Variants in MKLN1 observed in about 807,000 individuals in gnomAD.
MKLN1 encodes the protein muskelin 1.
Under a neutral mutation model 99.0 loss-of-function variants are expected in MKLN1, and 18 were observed. The observed-to-expected ratio is 0.18, with a 90% CI of 0.13 to 0.27. The LOEUF (loss-of-function observed/expected upper bound fraction) is 0.27. Ranked by LOEUF, MKLN1 falls within the 10% of genes least tolerant of loss-of-function variation. The pLI is 1.00. For synonymous variants in MKLN1, 288 were observed against 293.2 expected, an observed-to-expected ratio of 0.98 and a Z score of 0.18; for missense variants, 621 against 875.9, an observed-to-expected ratio of 0.71 and a Z score of 3.67.
chr7:131,399,220 A>T, intron 5 of MKLN1, 21 bp from the exon 6 acceptor site: 1 of 1,605,548 alleles, frequency 6.2e-7, no homozygotes, highest in African/African-American at 1.3e-5. Flanking sequence ...TTCTTTCCAT[A>T]CTTACTCTGT....
At chr7:131,155,411 A>C (rs1795948513) in intron 2 of MKLN1, among the ~76,000 whole-genome samples, 1 of 152,336 alleles carries the variant, frequency 6.6e-6, no homozygotes, top group South Asian at 2.1e-4. Flanking sequence ...TAAATCCTTT[A>C]GTTGTAAACA....
chr7:131,385,977 T>C (rs1468767187), intron 2 of MKLN1, among the ~76,000 whole-genome samples: 1 of 151,952 alleles, frequency 6.6e-6, no homozygotes, highest in Non-Finnish European at 1.5e-5. Flanking sequence ...TTGTCTAAGA[T>C]GTTTAAAGTT....
intron 10 of MKLN1, among the ~76,000 whole-genome samples, chr7:131,439,073 T>TA (rs1795754024): frequency 6.6e-6 from 1 of 152,096 alleles, no homozygotes; most frequent in African/African-American, 2.4e-5. Flanking sequence ...CAGCTTAAAT[T>TA]TGGAACTTCT....
intron 1 of MKLN1, among the ~76,000 whole-genome samples, chr7:131,342,078 A>G (rs1470045826): frequency 1.3e-5 from 2 of 152,010 alleles, no homozygotes; most frequent in East Asian, 1.9e-4. Flanking sequence ...TTTCTTGGGT[A>G]TATGTCCAGC....
chr7:131,424,358 A>G (rs1795296488), intron 8 of MKLN1, among the ~76,000 whole-genome samples: 1 of 152,146 alleles, frequency 6.6e-6, no homozygotes, highest in African/African-American at 2.4e-5. Flanking sequence ...GTCAATGCGT[A>G]GTATACACAT....
intron 1 of MKLN1, among the ~76,000 whole-genome samples, chr7:131,141,524 G>C (rs1584787255): frequency 6.6e-6 from 1 of 152,128 alleles, no homozygotes; most frequent in African/African-American, 2.4e-5. Context: ...ATTTGGTGCT[G>C]CTCACCTTTC....
intron 2 of MKLN1, among the ~76,000 whole-genome samples, chr7:131,148,669 A>T (rs2116278931): frequency 6.6e-6 from 1 of 152,278 alleles, no homozygotes; most frequent in South Asian, 2.1e-4. Flanking sequence ...GCTACTTGGG[A>T]GGCTGAAGTG....
At chr7:131,402,133 A>C (rs531114517) in intron 6 of MKLN1, among the ~76,000 whole-genome samples, 1 of 152,318 alleles carries the variant, frequency 6.6e-6, no homozygotes, top group East Asian at 1.9e-4. Context: ...CAATCCTCTC[A>C]AACCCTGCTG....
rs199863263 is a variant in MKLN1, at chr7:131,283,338, CCCTTCCCCTCCTTCCTTCCTT to C, written c.-179+80371_-179+80391del. Among the ~76,000 whole-genome samples, 70 of 57,974 alleles carry C rather than the reference CCCTTCCCCTCCTTCCTTCCTT, an allele frequency of 1.2e-3. 2 individuals are homozygous for C. Among genetic ancestry groups the C allele is most frequent in the African/African-American group, 3.7e-3 (63 of 16,838 alleles). 38.0% of individuals were successfully genotyped at this position (57,974 alleles called of 152,430 possible). On this transcript the variant is annotated intron_variant, in intron 3 of 7. Transcript: ENST00000416992. ...CCCTCCCTCCCTCCCTCCTTCCCTTCCCTTCCCCTCCTTCCTTCCTTCCTTCCTTCCTTCCTTCCTTCCTTC... is the reference window on the plus strand; with the variant it reads ...CCCTCCCTCCCTCCCTCCTTCCCTTCCCTTCCTTCCTTCCTTCCTTCCTTC...
intron 2 of MKLN1, among the ~76,000 whole-genome samples, chr7:131,188,325 C>G (rs1563245782): frequency 1.3e-5 from 2 of 152,232 alleles, no homozygotes. Context: ...TGGCATATAA[C>G]AGCTACCATT....
At chr7:131,368,120 G>GA (rs1311395355) in intron 1 of MKLN1, among the ~76,000 whole-genome samples, 1 of 152,174 alleles carries the variant, frequency 6.6e-6, no homozygotes, top group Non-Finnish European at 1.5e-5. Context: ...CTGAGGGGCT[G>GA]ATGTTAGCAG....
At chr7:131,351,135 C>T (rs1799708070) in intron 1 of MKLN1, among the ~76,000 whole-genome samples, 1 of 152,028 alleles carries the variant, frequency 6.6e-6, no homozygotes, top group Non-Finnish European at 1.5e-5. Flanking sequence ...GTAGTCCCAA[C>T]TACTTTGGAG....
chr7:131,362,092 AT>A (rs1160586342), intron 1 of MKLN1, among the ~76,000 whole-genome samples: 6 of 151,778 alleles, frequency 4.0e-5, no homozygotes, highest in African/African-American at 2.4e-5. Context: ...TTTGTACTTG[AT>A]TTTCTTAAAA....
chr7:131,258,687 C>A (rs1452364553), intron 3 of MKLN1, among the ~76,000 whole-genome samples: 1 of 152,162 alleles, frequency 6.6e-6, no homozygotes, highest in African/African-American at 2.4e-5. Context: ...ATTCCCAGAG[C>A]TTTTTCTTTA....
rs150699959 is a variant in MKLN1 at position 131,199,887 on chromosome 7, G to A, written c.-296-2970G>A. ...TTTTTAAATATTTTTTAGAGGAGAC[G>A]GGGCTTTGCTGTGTTGGCCAGGCTG... On this transcript the variant is annotated intron_variant, in intron 2 of 7. Coordinates refer to the MKLN1 transcript ENST00000416992. 2.9e-3 allele frequency among the ~76,000 whole-genome samples: 446 copies of A among 152,142 alleles called. 4 individuals are homozygous for A. The highest frequency in any genetic ancestry group is 0.01 in the African/African-American group (420 of 41,502).
At chr7:131,128,676 T>G (rs533257329) in intron 1 of MKLN1, among the ~76,000 whole-genome samples, 1 of 152,318 alleles carries the variant, frequency 6.6e-6, no homozygotes, top group African/African-American at 2.4e-5. Flanking sequence ...GGAATGCAGT[T>G]GCACATTCAT....
intron 12 of MKLN1, among the ~76,000 whole-genome samples, chr7:131,456,376 A>G (rs1051156635): frequency 1.1e-4 from 17 of 152,214 alleles, no homozygotes; most frequent in African/African-American, 4.1e-4. Flanking sequence ...TCCCTTCCCC[A>G]GAATCAACCC....
At chr7:131,468,067 G>A (rs1796708643) in intron 15 of MKLN1, among the ~76,000 whole-genome samples, 1 of 152,174 alleles carries the variant, frequency 6.6e-6, no homozygotes, top group Non-Finnish European at 1.5e-5. Flanking sequence ...ACCACCATTT[G>A]AGGGACAGGC....
At position 131,186,380 on chromosome 7, in the gene MKLN1, C is replaced by T. The variant is rs150078453; in HGVS notation, c.-296-16477C>T. Among the ~76,000 whole-genome samples, 88 of 152,262 alleles carry T rather than the reference C, an allele frequency of 5.8e-4. 1 individual carries two copies. Among genetic ancestry groups the T allele is most frequent in the African/African-American group, 1.7e-3 (69 of 41,548 alleles). ...AAAATGAGCTGGGCATGGTAGCACA[C>T]GCCTGTAGCCCCAGCTGCTCAGGAG... On this transcript the variant is annotated intron_variant, in intron 2 of 7. Transcript: ENST00000416992.
Sources: gnomAD v4.1 joint callset for allele counts (sites outside exome capture counted in the v4.1 genomes callset) on GRCh38, gnomAD v4.1.1 for gene constraint, MANE v1.5 for transcripts, NCBI Gene and HGNC (gene_info 2026-07-23, HGNC 2026-07-21) for gene names.